The following KIAA1217 variants were observed in gnomAD, a reference collection of about 807,000 sequenced individuals.
KIAA1217 encodes KIAA1217.
KIAA1217 carries 88 observed loss-of-function variants against 163.9 expected under a neutral mutation model. That is an observed-to-expected ratio of 0.54 (90% confidence interval 0.45 to 0.64). KIAA1217 has a LOEUF of 0.64. Ranked by LOEUF, KIAA1217 falls within the 30% of genes least tolerant of loss-of-function variation. The pLI, the probability that KIAA1217 is intolerant of heterozygous loss-of-function variation, is 0.00. For synonymous variants in KIAA1217, 903 were observed against 923.1 expected (o/e 0.98, Z 0.39); for missense variants, 2,372 against 2,475.0 (o/e 0.96, Z 0.88).
At chr10:23,779,818 G>A (rs1835174430) in intron 1 of KIAA1217, among the ~76,000 whole-genome samples, 1 of 152,292 alleles carries the variant, frequency 6.6e-6, no homozygotes, top group East Asian at 1.9e-4. Flanking sequence ...ATATGACAGT[G>A]TTCCCATGAG....
intron 1 of KIAA1217, among the ~76,000 whole-genome samples, chr10:23,748,340 A>G (rs1839522762): frequency 6.6e-6 from 1 of 151,624 alleles, no homozygotes; most frequent in South Asian, 2.1e-4. Context: ...TTCCGATTGT[A>G]GATTCTATGA....
intron 1 of KIAA1217, among the ~76,000 whole-genome samples, chr10:23,941,936 A>G (rs1843786765): frequency 6.6e-6 from 1 of 152,170 alleles, no homozygotes; most frequent in Non-Finnish European, 1.5e-5. Flanking sequence ...AAAGGAGAAA[A>G]CAATCTTCCA....
At chr10:24,309,802 A>G (rs539789092) in intron 2 of KIAA1217, among the ~76,000 whole-genome samples, 1 of 152,324 alleles carries the variant, frequency 6.6e-6, no homozygotes, top group African/African-American at 2.4e-5. Context: ...CACCCAGCAC[A>G]GGGTGGCTCT....
At chr10:24,510,455 T>C (rs2068945571) in intron 9 of KIAA1217, among the ~76,000 whole-genome samples, 2 of 152,134 alleles carry the variant, frequency 1.3e-5, no homozygotes, top group South Asian at 4.1e-4. Flanking sequence ...AGCCCTTTTC[T>C]TAGTCCATGA....
chr10:24,086,123 G>A (rs753702544), intron 2 of KIAA1217, among the ~76,000 whole-genome samples: 8 of 152,176 alleles, frequency 5.3e-5, no homozygotes, highest in Middle Eastern at 3.4e-3. Context: ...CTGAGCAGGT[G>A]AGATTCTATG....
chr10:24,252,891 C>T (rs1424406555), intron 2 of KIAA1217, among the ~76,000 whole-genome samples: 1 of 151,682 alleles, frequency 6.6e-6, no homozygotes, highest in East Asian at 2.0e-4. Flanking sequence ...CTTGTAATCC[C>T]AGCACTTTCC....
intron 2 of KIAA1217, among the ~76,000 whole-genome samples, chr10:24,118,014 AACGAG>A (rs1475990656): frequency 2.0e-5 from 3 of 152,106 alleles, no homozygotes; most frequent in African/African-American, 7.2e-5. Flanking sequence ...GGGTGGGAGA[AACGAG>A]AGGAAGGAAA....
chr10:24,046,306 T>G (rs1274705184), intron 2 of KIAA1217, among the ~76,000 whole-genome samples: 1 of 152,142 alleles, frequency 6.6e-6, no homozygotes, highest in Non-Finnish European at 1.5e-5. Context: ...CTAAGCACAT[T>G]ATAAATACAC....
chr10:24,404,356 C>T (rs1159136468), intron 3 of KIAA1217, among the ~76,000 whole-genome samples: 1 of 151,984 alleles, frequency 6.6e-6, no homozygotes, highest in African/African-American at 2.4e-5. Flanking sequence ...ATCACAAGGT[C>T]GGGAGATGGA....
At chr10:24,304,214 T>TG (rs1483974782) in intron 2 of KIAA1217, among the ~76,000 whole-genome samples, 20 of 151,798 alleles carry the variant, frequency 1.3e-4, no homozygotes, top group African/African-American at 4.6e-4. Context: ...CCTTTTTTTT[T>TG]TTTTTTTTGC....
At position 23,876,650 on chromosome 10, in the gene KIAA1217, A is replaced by ACCAGTG. The variant is rs1195601365; in HGVS notation, c.-320-130574_-320-130569dup. On this transcript the variant is annotated intron_variant, in intron 1 of 18. Transcript: ENST00000376462. Reference sequence around the variant, plus strand: ...ATACACACATCTTCTACAATGCTAGACCAGTGTCCATGTTGCATGCCTTTC... The same window carrying ACCAGTG: ...ATACACACATCTTCTACAATGCTAGACCAGTGCCAGTGTCCATGTTGCATGCCTTTC... Among the ~76,000 whole-genome samples, 4 of 151,876 alleles carry ACCAGTG rather than the reference A, an allele frequency of 2.6e-5. No homozygotes were observed. In the East Asian group the frequency reaches 7.8e-4, roughly 30 times the overall value.
At chr10:24,382,847 T>C (rs1416956935) in intron 3 of KIAA1217, among the ~76,000 whole-genome samples, 1 of 112,918 alleles carries the variant, frequency 8.9e-6, no homozygotes, top group Non-Finnish European at 1.5e-5. Context: ...TTCTTTTCTT[T>C]TTTTTTTTTT....
intron 2 of KIAA1217, among the ~76,000 whole-genome samples, chr10:24,360,064 T>TTTC: frequency 7.3e-6 from 1 of 137,148 alleles, no homozygotes; most frequent in South Asian, 2.6e-4. Context: ...TTTTTTTTTT[T>TTTC]GAGACAGACT....
At chr10:23,919,002 C>T (rs1842742362) in intron 1 of KIAA1217, among the ~76,000 whole-genome samples, 2 of 152,090 alleles carry the variant, frequency 1.3e-5, no homozygotes, top group Non-Finnish European at 2.9e-5. Context: ...ATATCAGGGT[C>T]ATGTGGACAG....
At chr10:24,470,240 G>C (rs2063358200) in intron 5 of KIAA1217, among the ~76,000 whole-genome samples, 3 of 152,176 alleles carry the variant, frequency 2.0e-5, no homozygotes. Flanking sequence ...GAGTGAGAGA[G>C]GTATTTATAG....
chr10:23,805,765 G>A (rs1021555340), intron 1 of KIAA1217, among the ~76,000 whole-genome samples: 2 of 152,014 alleles, frequency 1.3e-5, no homozygotes, highest in Non-Finnish European at 2.9e-5. Flanking sequence ...CGTAATCCCA[G>A]CACTTTGGGA....
rs1416488518 is a variant in KIAA1217, at chr10:23,992,618, T to C, written c.-320-14607T>C. Reference sequence around the variant, plus strand: ...CAGGGCCATCATTTCTTTTTTTTTTTTTTTTTTGGAAGCCCTCGTGATGGG... The same window carrying C: ...CAGGGCCATCATTTCTTTTTTTTTTCTTTTTTTGGAAGCCCTCGTGATGGG... On this transcript the variant is annotated intron_variant, in intron 1 of 18. Transcript: ENST00000376462. Among the ~76,000 whole-genome samples the C allele has an allele frequency of 2.0e-5, 3 of 151,460 alleles. No homozygotes were observed. In the East Asian group the frequency reaches 5.8e-4, roughly 29 times the overall value.
intron 1 of KIAA1217, among the ~76,000 whole-genome samples, chr10:23,775,582 T>G (rs1369111684): frequency 6.6e-6 from 1 of 152,212 alleles, no homozygotes; most frequent in East Asian, 1.9e-4. Flanking sequence ...TTGTAGCATG[T>G]GAGAGTGGAT....
intron 1 of KIAA1217, among the ~76,000 whole-genome samples, chr10:23,912,970 G>A (rs769609705): frequency 6.6e-6 from 1 of 152,182 alleles, no homozygotes; most frequent in Non-Finnish European, 1.5e-5. Flanking sequence ...TGTCACTGAC[G>A]TTTTTCTCAG....
Sources: gnomAD v4.1 joint callset for allele counts (sites outside exome capture counted in the v4.1 genomes callset) on GRCh38, gnomAD v4.1.1 for gene constraint, MANE v1.5 for transcripts, NCBI Gene and HGNC (gene_info 2026-07-23, HGNC 2026-07-21) for gene names.